SLC37A2: variants seen among roughly 807,000 people sequenced by gnomAD.
SLC37A2 encodes the protein solute carrier family 37 member 2.
A neutral mutation model predicts 70.7 loss-of-function variants in SLC37A2; 59 were observed. The observed-to-expected ratio is 0.83, with a 90% confidence interval of 0.68 to 1.04. The LOEUF (loss-of-function observed/expected upper bound fraction) is 1.04, where lower values mean the gene tolerates loss of function less well. SLC37A2 is among the 50% of genes least tolerant of loss of function. SLC37A2 has a pLI of 0.00. For missense variants in SLC37A2, 580 were observed against 658.1 expected (o/e 0.88, Z 1.30); for synonymous variants, 257 against 262.1 (o/e 0.98, Z 0.19).
intron 12 of SLC37A2, 32 bp downstream of exon 12, chr11:125,084,351 G>A (rs1949180742): frequency 6.2e-7 from 1 of 1,607,910 alleles, no homozygotes; most frequent in East Asian, 2.2e-5. Context: ...AAGTGCGAAT[G>A]CATGTGAGCA....
At chr11:125,086,541 G>C (rs1238901268) in intron 17 of SLC37A2, 2 of 434,392 alleles carry the variant, frequency 4.6e-6, no homozygotes, top group African/African-American at 4.0e-5. Context: ...GTTTCCCTCT[G>C]AGCTGCGACT....
intron 1 of SLC37A2, among the ~76,000 whole-genome samples, chr11:125,074,172 C>T (rs1364008544): frequency 2.0e-5 from 3 of 152,044 alleles, no homozygotes; most frequent in Non-Finnish European, 2.9e-5. Flanking sequence ...GCAGTCCTCC[C>T]TGCCCCAGCT....
At chr11:125,086,256 CTT>C in intron 17 of SLC37A2, 1 of 1,609,164 alleles carries the variant, frequency 6.2e-7, no homozygotes, top group Non-Finnish European at 8.5e-7. Flanking sequence ...AGTCCCATGA[CTT>C]TTGTGAGTAT....
intron 17 of SLC37A2, chr11:125,086,800 G>A (rs897430522): frequency 2.3e-5 from 4 of 172,850 alleles, no homozygotes; most frequent in East Asian, 1.6e-4. Flanking sequence ...CCCGCTGGCC[G>A]TCCTGAGCAG....
chr11:125,082,220 T>A lies in SLC37A2; in HGVS notation c.886-24T>A, dbSNP rs781720437. ...CCCAGGACCTCTGGACCCCTTCCCA[T>A]GTGCCCCCTGTTGCACTCCCCAGGG... On this transcript the variant is annotated intron_variant, in intron 9 of 17. Coordinates refer to ENST00000403796, the MANE Select transcript of SLC37A2 (RefSeq NM_001145290.2). 3 of 1,612,310 alleles carry A rather than the reference T, an allele frequency of 1.9e-6. No individual in the cohort carries two copies. In the East Asian group the frequency reaches 6.7e-5, roughly 36 times the overall value.
chr11:125,065,700 A>G (rs140317026), intron 1 of SLC37A2, among the ~76,000 whole-genome samples: 350 of 152,296 alleles, frequency 2.3e-3, no homozygotes, highest in Middle Eastern at 0.01. Flanking sequence ...GATCAAATAC[A>G]ACATCCCGGC....
At chr11:125,081,972 G>T in intron 9 of SLC37A2, 66 bp downstream of exon 9, 1 of 1,520,422 alleles carries the variant, frequency 6.6e-7, no homozygotes, top group Non-Finnish European at 8.9e-7. Flanking sequence ...GTGATGAGGA[G>T]ATGGGGTGCT....
At chr11:125,078,264 C>CAGGGCTG (rs1173283760) in intron 4 of SLC37A2, among the ~76,000 whole-genome samples, 5 of 152,224 alleles carry the variant, frequency 3.3e-5, no homozygotes, top group African/African-American at 1.2e-4. Context: ...AAGGTAGCAG[C>CAGGGCTG]AGGGCTGAGG....
chr11:125,076,734 G>A (rs765231205), intron 1 of SLC37A2, 23 bp from the exon 2 acceptor site: 21 of 1,612,966 alleles, frequency 1.3e-5, no homozygotes, highest in Admixed American at 1.0e-4. Flanking sequence ...TCCCACTAAC[G>A]CAGATGCTGT....
chr11:125,073,896 G>A (rs1474223851), intron 1 of SLC37A2, among the ~76,000 whole-genome samples: 1 of 152,202 alleles, frequency 6.6e-6, no homozygotes, highest in African/African-American at 2.4e-5. Flanking sequence ...ACCTGGCTTA[G>A]GCTGGCTGGG....
chr11:125,086,359 T>C, intron 17 of SLC37A2: 1 of 967,394 alleles, frequency 1.0e-6, no homozygotes, highest in Non-Finnish European at 1.7e-6. Context: ...ACTTTCTCTT[T>C]CTTCTTGTGG....
chr11:125,082,440 C>G, intron 10 of SLC37A2, 106 bp downstream of exon 10: 3 of 946,300 alleles, frequency 3.2e-6, no homozygotes, highest in Non-Finnish European at 5.2e-6. Flanking sequence ...AGTATATAGG[C>G]AGAATTCCTG....
chr11:125,085,868 C>T (rs2135577643), intron 16 of SLC37A2, 86 bp from the exon 17 acceptor site: 2 of 1,361,828 alleles, frequency 1.5e-6, no homozygotes, highest in Non-Finnish European at 2.1e-6. Context: ...TTCTCCACTG[C>T]CAGTCCACGG....
Position 125,080,931 on chromosome 11 carries a change from T to G in SLC37A2, c.694+151T>G. Reference sequence around the variant, plus strand: ...ATCTTTCAGAGCCTTTATTTTCTCATTTGTAAAATAATAATAGTAATAATA... The same window carrying G: ...ATCTTTCAGAGCCTTTATTTTCTCAGTTGTAAAATAATAATAGTAATAATA... On this transcript the variant is annotated intron_variant, in intron 7 of 17. Transcript: ENST00000403796. The surrounding 1 kb of genome is among the most constrained non-coding windows in gnomAD (Gnocchi z 4.3). The G allele has an allele frequency of 5.6e-6, 3 of 533,086 alleles. No homozygotes were observed. Among genetic ancestry groups the G allele is most frequent in the Admixed American group, 4.3e-5 (1 of 23,124 alleles). The allele number at this position is 533,086 out of a possible 1,614,324, so 33.0% of individuals were successfully genotyped here.
Position 125,080,463 on chromosome 11 carries a change from T to A in SLC37A2, c.528-151T>A, listed in dbSNP as rs552760636. The A allele has an allele frequency of 3.2e-6, 2 of 624,312 alleles. No individual in the cohort carries two copies. Among genetic ancestry groups the A allele is most frequent in the Non-Finnish European group, 4.8e-6 (2 of 415,242 alleles). The allele number at this position is 624,312 out of a possible 1,614,324, so 38.7% of individuals were successfully genotyped here. A position where few individuals can be genotyped will look rare whatever the true frequency, so the allele number is the denominator to read the frequency against. On this transcript the variant is annotated intron_variant, in intron 6 of 17. Transcript: ENST00000403796. This position sits in a 1 kb window ranked among gnomAD's most constrained non-coding sequence, Gnocchi z 4.3. The stretch of plus-strand genomic sequence containing the variant: ...CTTGACACCATCCAAGGTCTCCCAC[T>A]CCTTGCTGACTTGGGGCTTTGGGGC...
Position 125,087,843 on chromosome 11 carries a change from G to A in SLC37A2, c.1491-276G>A, listed in dbSNP as rs189244936. 1.3e-4 allele frequency: 43 copies of A among 323,604 alleles called. No homozygotes were observed. The East Asian group carries it at 2.7e-3, about 21-fold the overall frequency. 20.0% of individuals were successfully genotyped at this position (323,604 alleles called of 1,614,324 possible). ...GACAGGGTTTCTCCATGTTGGTCAG[G>A]CTGGTCTTGAACTCCCAACCTCAGG... On this transcript the variant is annotated intron_variant, in intron 17 of 17. Coordinates refer to ENST00000403796, the MANE Select transcript of SLC37A2 (RefSeq NM_001145290.2).
At chr11:125,086,518 A>G (rs1949217263) in intron 17 of SLC37A2, 1 of 489,884 alleles carries the variant, frequency 2.0e-6, no homozygotes, top group Non-Finnish European at 3.7e-6. Context: ...AGGAGGCAGA[A>G]ATAGGGAAAC....
At chr11:125,066,267 A>G (rs985776911) in intron 1 of SLC37A2, among the ~76,000 whole-genome samples, 1 of 152,246 alleles carries the variant, frequency 6.6e-6, no homozygotes, top group Non-Finnish European at 1.5e-5. Flanking sequence ...TGCCAGGCCC[A>G]GTGGCATGCT....
Position 125,084,253 on chromosome 11 carries a change from C to G in SLC37A2, c.1059C>G (p.Leu353=). ...TTCCAGGCGGCATCGTGGCAGGGCT[C>G]GTCTCTGACTACACCAATGGCAGGG... The part of the protein sequence containing the change: ...GGIIGGIVAG[L]VSDYTNGRAT... The change falls in exon 12 of 18, where the codon CTC becomes CTG. Residue 353 remains leucine, a synonymous_variant. Transcript: ENST00000403796. 2 of 1,614,210 alleles carry G rather than the reference C, an allele frequency of 1.2e-6. No individual in the cohort carries two copies. The highest frequency in any genetic ancestry group is 1.7e-6 in the Non-Finnish European group (2 of 1,180,028).
Sources: gnomAD v4.1 joint callset for allele counts (sites outside exome capture counted in the v4.1 genomes callset) on GRCh38, gnomAD v4.1.1 for gene constraint, Gnocchi (gnomAD v3.1) non-coding constraint, MANE v1.5 for transcripts, NCBI Gene and HGNC (gene_info 2026-07-23, HGNC 2026-07-21) for gene names.